The following APLF variants were observed in gnomAD, a reference collection of about 807,000 sequenced individuals.
APLF encodes the protein aprataxin and PNKP like factor, also known as aprataxin and PNK-like factor.
A neutral mutation model predicts 55.6 loss-of-function variants in APLF; 61 were observed. The ratio of observed to expected loss-of-function variants is 1.10; its 90% CI spans 0.89 to 1.36. The LOEUF is 1.36. Among genes scored for constraint, APLF ranks in the 40% most tolerant of loss-of-function variants. APLF has a pLI of 0.00. For missense variants in APLF, 611 were observed against 602.5 expected, an observed-to-expected ratio of 1.01 and a Z score of -0.15; for synonymous variants, 207 against 214.8, an observed-to-expected ratio of 0.96 and a Z score of 0.32.
chr2:68,518,582 T>TATATAATAATATATC (rs1255961189), intron 5 of APLF, among the ~76,000 whole-genome samples: 1 of 123,002 alleles, frequency 8.1e-6, no homozygotes, highest in African/African-American at 3.2e-5. Context: ...AATATATCAA[T>TATATAATAATATATC]AATATATCAT....
intron 8 of APLF, among the ~76,000 whole-genome samples, chr2:68,554,331 C>T (rs1670947713): frequency 1.3e-5 from 2 of 152,064 alleles, no homozygotes; most frequent in African/African-American, 4.8e-5. Flanking sequence ...ACTTATACTA[C>T]AGGCATTGTT....
At chr2:68,549,512 A>G (rs1670797183) in intron 8 of APLF, among the ~76,000 whole-genome samples, 1 of 152,094 alleles carries the variant, frequency 6.6e-6, no homozygotes, top group Non-Finnish European at 1.5e-5. Flanking sequence ...GTTATATAGC[A>G]CACACTTTGG....
intron 3 of APLF, among the ~76,000 whole-genome samples, chr2:68,508,883 A>G (rs1361566164): frequency 1.3e-5 from 2 of 152,150 alleles, no homozygotes; most frequent in East Asian, 1.9e-4. Context: ...GTATAGACCA[A>G]TGGAACAGAA....
intron 1 of APLF, among the ~76,000 whole-genome samples, chr2:68,478,704 C>T (rs1221931005): frequency 6.6e-6 from 1 of 151,532 alleles, no homozygotes; most frequent in African/African-American, 2.4e-5. Flanking sequence ...TAATGTAGAT[C>T]AAAGTGCCCT....
intron 5 of APLF, among the ~76,000 whole-genome samples, chr2:68,523,654 GTAGTAT>G (rs1002488623): frequency 7.4e-4 from 113 of 151,922 alleles, no homozygotes; most frequent in African/African-American, 2.7e-3. Context: ...TATTGTTCAT[GTAGTAT>G]TAGTATAACA....
intron 1 of APLF, among the ~76,000 whole-genome samples, chr2:68,474,957 C>T (rs1206121053): frequency 6.6e-6 from 1 of 152,146 alleles, no homozygotes; most frequent in Non-Finnish European, 1.5e-5. Context: ...CGTGAGCCTC[C>T]GCGCCTGGGT....
chr2:68,504,370 A>G (rs1676813378), intron 3 of APLF, among the ~76,000 whole-genome samples: 1 of 151,920 alleles, frequency 6.6e-6, no homozygotes, highest in Non-Finnish European at 1.5e-5. Context: ...AAAACTACAG[A>G]CCAATATTCC....
intron 6 of APLF, among the ~76,000 whole-genome samples, chr2:68,534,674 C>T (rs1180765564): frequency 1.3e-5 from 2 of 152,196 alleles, no homozygotes; most frequent in African/African-American, 4.8e-5. Flanking sequence ...TTTGGCCACT[C>T]TATCATGAGT....
chr2:68,572,112 T>C (rs895623838), intron 9 of APLF, among the ~76,000 whole-genome samples: 4 of 152,166 alleles, frequency 2.6e-5, no homozygotes, highest in African/African-American at 9.7e-5. Context: ...GGAGGCTTAG[T>C]GGGATTTACA....
chr2:68,567,204 CA>C (rs1450672536), intron 8 of APLF, 136 bp from the exon 9 acceptor site: 1 of 664,428 alleles, frequency 1.5e-6, no homozygotes, highest in Non-Finnish European at 2.6e-6. Context: ...TGTAATTAAA[CA>C]ACAAATGCTT....
chr2:68,545,480 G>T (rs543404289), intron 8 of APLF, among the ~76,000 whole-genome samples, 168 bp downstream of exon 8: 2 of 152,180 alleles, frequency 1.3e-5, no homozygotes, highest in East Asian at 3.9e-4. Context: ...ATTTCTTTTA[G>T]CTAATTCTGA....
intron 7 of APLF, among the ~76,000 whole-genome samples, chr2:68,540,145 A>G (rs908469227): frequency 6.6e-6 from 1 of 152,048 alleles, no homozygotes; most frequent in Admixed American, 6.6e-5. Flanking sequence ...ATTTCTCCTA[A>G]TGCTATCCCT....
At chr2:68,534,755 G>A (rs1670342727) in intron 6 of APLF, among the ~76,000 whole-genome samples, 2 of 152,160 alleles carry the variant, frequency 1.3e-5, no homozygotes, top group African/African-American at 4.8e-5. Flanking sequence ...GGATGCTTAG[G>A]AAATATAGAG....
chr2:68,558,792 C>T (rs1255305707), intron 8 of APLF, among the ~76,000 whole-genome samples: 1 of 152,096 alleles, frequency 6.6e-6, no homozygotes. Context: ...TCTCCCTCTG[C>T]CTACGCCCCG....
intron 1 of APLF, among the ~76,000 whole-genome samples, chr2:68,474,059 G>C (rs183375307): frequency 3.3e-5 from 5 of 152,278 alleles, no homozygotes; most frequent in Admixed American, 3.3e-4. Context: ...TAATTTGCTA[G>C]AGCAGCTCCT....
chr2:68,522,914 A>G (rs1215071955), intron 5 of APLF, among the ~76,000 whole-genome samples: 1 of 151,964 alleles, frequency 6.6e-6, no homozygotes, highest in Admixed American at 6.6e-5. Flanking sequence ...AAGTATGGGA[A>G]AAATATTTTG....
At chr2:68,516,998 ATG>A (rs1318882092) in intron 5 of APLF, among the ~76,000 whole-genome samples, 4 of 125,138 alleles carry the variant, frequency 3.2e-5, no homozygotes, top group African/African-American at 9.3e-5. Context: ...ATAATAATAT[ATG>A]TTAATATATA....
At chr2:68,564,823 G>A (rs1671256452) in intron 8 of APLF, among the ~76,000 whole-genome samples, 1 of 151,976 alleles carries the variant, frequency 6.6e-6, no homozygotes, top group Admixed American at 6.6e-5. Flanking sequence ...TAAGAAAGAG[G>A]GTGTTTGGCT....
chr2:68,525,399 T>G (rs1242436549), intron 5 of APLF, among the ~76,000 whole-genome samples: 1 of 152,192 alleles, frequency 6.6e-6, no homozygotes, highest in Admixed American at 6.5e-5. Context: ...AAGTCAGATT[T>G]TCTGTTAGAG....
Sources: gnomAD v4.1 joint callset for allele counts (sites outside exome capture counted in the v4.1 genomes callset) on GRCh38, gnomAD v4.1.1 for gene constraint, MANE v1.5 for transcripts, NCBI Gene and HGNC (gene_info 2026-07-23, HGNC 2026-07-21) for gene names.